SHISA6: variants seen among roughly 807,000 people sequenced by gnomAD.
SHISA6 encodes protein shisa-6.
SHISA6 carries 22 observed loss-of-function variants against 47.9 expected under a neutral mutation model. That is an observed-to-expected ratio of 0.46 (90% CI 0.33 to 0.66). SHISA6 has a LOEUF of 0.66. SHISA6 is among the 30% of genes least tolerant of loss of function. SHISA6 has a pLI of 0.02. For missense variants in SHISA6, 680 were observed against 764.6 expected, an observed-to-expected ratio of 0.89 and a Z score of 1.30; for synonymous variants, 388 against 337.8, an observed-to-expected ratio of 1.15 and a Z score of -1.63.
At chr17:11,422,724 C>T (rs1283320961) in intron 3 of SHISA6, among the ~76,000 whole-genome samples, 1 of 149,734 alleles carries the variant, frequency 6.7e-6, no homozygotes, top group Non-Finnish European at 1.5e-5. Context: ...GATCCCGCCA[C>T]TGCACTCCAG....
intron 2 of SHISA6, among the ~76,000 whole-genome samples, chr17:11,317,709 T>C (rs1286289042): frequency 6.6e-6 from 1 of 151,986 alleles, no homozygotes; most frequent in Non-Finnish European, 1.5e-5. Flanking sequence ...TTTCCTTCTT[T>C]TGCTTTTATT....
rs547042259 is a variant in SHISA6, at chr17:11,241,440, C to CCTG, written c.33_35dup (p.Leu12dup). On this transcript the variant is annotated inframe_insertion, in exon 1 of 6. Transcript: ENST00000441885. This position sits in a 1 kb window ranked among gnomAD's most constrained non-coding sequence, Gnocchi z 5.5. ...GCCCCGCCATGGCGCTGCGGCGCCTCCTGCTGCTGCTGCTGCTCTCGCTGG... is the reference window on the plus strand; with the variant it reads ...GCCCCGCCATGGCGCTGCGGCGCCTCCTGCTGCTGCTGCTGCTGCTCTCGCTGG... The CCTG allele has an allele frequency of 5.1e-4, 611 of 1,194,284 alleles. 5 individuals carry two copies. The South Asian group carries it at 6.6e-3, about 13-fold the overall frequency. 74.0% of individuals were successfully genotyped at this position (1,194,284 alleles called of 1,614,324 possible).
intron 3 of SHISA6, among the ~76,000 whole-genome samples, chr17:11,549,557 GT>G (rs1272649072): frequency 6.6e-6 from 1 of 152,294 alleles, no homozygotes; most frequent in East Asian, 1.9e-4. Context: ...GTGAAGACGA[GT>G]TTTTTTAAAA....
chr17:11,437,174 C>T (rs972494853), intron 3 of SHISA6, among the ~76,000 whole-genome samples: 7 of 152,108 alleles, frequency 4.6e-5, no homozygotes, highest in Non-Finnish European at 1.5e-5. Flanking sequence ...TTGAATGAGC[C>T]GTGACCTCTG....
intron 2 of SHISA6, among the ~76,000 whole-genome samples, chr17:11,278,257 G>A (rs1399835243): frequency 6.6e-6 from 1 of 152,104 alleles, no homozygotes. Flanking sequence ...CCTACTTTTG[G>A]TTCTGATATG....
chr17:11,316,161 A>T (rs199911327), intron 2 of SHISA6, among the ~76,000 whole-genome samples: 12 of 12,946 alleles, frequency 9.3e-4, no homozygotes, highest in African/African-American at 2.6e-3. Context: ...TAGTGTTTTT[A>T]AAAAAAAAAT....
chr17:11,432,756 GA>G (rs756411336), intron 3 of SHISA6, among the ~76,000 whole-genome samples: 35 of 151,812 alleles, frequency 2.3e-4, no homozygotes, highest in Non-Finnish European at 4.3e-4. Context: ...CACAAAGCTT[GA>G]ACACATTATG....
At chr17:11,327,623 C>T (rs567243134) in intron 2 of SHISA6, among the ~76,000 whole-genome samples, 71 of 152,218 alleles carry the variant, frequency 4.7e-4, no homozygotes, top group African/African-American at 1.6e-3. Context: ...AGGGCAAAAC[C>T]CCGTCTCCAC....
intron 3 of SHISA6, among the ~76,000 whole-genome samples, chr17:11,405,415 A>T (rs1393635616): frequency 1.3e-5 from 2 of 152,248 alleles, no homozygotes; most frequent in East Asian, 3.9e-4. Context: ...CTTAAAAAAA[A>T]ATCCCTTTGC....
chr17:11,333,930 G>A (rs1471805815), intron 2 of SHISA6, among the ~76,000 whole-genome samples: 1 of 152,174 alleles, frequency 6.6e-6, no homozygotes, highest in Non-Finnish European at 1.5e-5. Flanking sequence ...TGGCAATTAA[G>A]TTTCTACCAC....
intron 1 of SHISA6, among the ~76,000 whole-genome samples, chr17:11,253,550 G>A (rs2142138795): frequency 6.6e-6 from 1 of 152,118 alleles, no homozygotes; most frequent in South Asian, 2.1e-4. Flanking sequence ...TCCTGCATTG[G>A]CCCGGGAAGC....
intron 2 of SHISA6, among the ~76,000 whole-genome samples, chr17:11,295,137 T>A (rs558845270): frequency 1.0e-3 from 157 of 152,306 alleles, no homozygotes; most frequent in Non-Finnish European, 1.9e-3. Context: ...GGTGAGCAAA[T>A]TAAAACTTAT....
chr17:11,499,904 AT>A (rs1567622414), intron 3 of SHISA6, among the ~76,000 whole-genome samples: 2 of 151,078 alleles, frequency 1.3e-5, no homozygotes, highest in Non-Finnish European at 1.5e-5. Context: ...GTTTCACCTT[AT>A]TACCCAGGCT....
intron 3 of SHISA6, among the ~76,000 whole-genome samples, chr17:11,517,619 C>T (rs964557858): frequency 6.6e-6 from 1 of 152,148 alleles, no homozygotes; most frequent in Non-Finnish European, 1.5e-5. Flanking sequence ...CCTCCTGCCT[C>T]AGCCTCCTTA....
Position 11,502,390 on chromosome 17 carries a change from C to T in SHISA6, c.896-49506C>T, listed in dbSNP as rs1488311329. 9.1e-5 allele frequency among the ~76,000 whole-genome samples: 10 copies of T among 110,012 alleles called. No individual in the cohort carries two copies. The Admixed American group carries it at 1.5e-3, about 16-fold the overall frequency. The allele number at this position is 110,012 out of a possible 152,430, so 72.2% of individuals were successfully genotyped here. On this transcript the variant is annotated intron_variant, in intron 3 of 5. Coordinates refer to ENST00000441885, the MANE Select transcript of SHISA6 (RefSeq NM_207386.4). ...CGCCACTGGACTCCAGCCTGGGCGA[C>T]AGAGCGAGACTCCGTCTCAAAAAAA... is the stretch of plus-strand genomic sequence containing the variant.
intron 3 of SHISA6, among the ~76,000 whole-genome samples, chr17:11,382,633 ACT>A (rs1240040435): frequency 2.6e-5 from 4 of 151,604 alleles, no homozygotes; most frequent in African/African-American, 4.9e-5. Context: ...AACTTCAGTG[ACT>A]CTCTTTCTGG....
At chr17:11,299,028 C>T (rs937649417) in intron 2 of SHISA6, among the ~76,000 whole-genome samples, 3 of 152,126 alleles carry the variant, frequency 2.0e-5, no homozygotes, top group African/African-American at 4.8e-5. Flanking sequence ...AAAGTCATGG[C>T]GAAAATACAT....
At chr17:11,255,992 ACATTATTTTT>A in intron 1 of SHISA6, among the ~76,000 whole-genome samples, 1 of 152,370 alleles carries the variant, frequency 6.6e-6, no homozygotes, top group Non-Finnish European at 1.5e-5. Context: ...TAAGAGGCAG[ACATTATTTTT>A]TGCCTCATTA....
At chr17:11,532,485 G>A (rs183203875) in intron 3 of SHISA6, among the ~76,000 whole-genome samples, 80 of 147,508 alleles carry the variant, frequency 5.4e-4, no homozygotes, top group South Asian at 2.1e-3. Flanking sequence ...GTGCGCGCGC[G>A]TGTGTGTGTG....
Sources: gnomAD v4.1 joint callset for allele counts (sites outside exome capture counted in the v4.1 genomes callset) on GRCh38, gnomAD v4.1.1 for gene constraint, Gnocchi (gnomAD v3.1) non-coding constraint, MANE v1.5 for transcripts, NCBI Gene and HGNC (gene_info 2026-07-23, HGNC 2026-07-21) for gene names.